Variants in PIK3C2A observed in about 807,000 individuals in gnomAD.
PIK3C2A encodes phosphatidylinositol-4-phosphate 3-kinase catalytic subunit type 2 alpha, also known as phosphatidylinositol 4-phosphate 3-kinase C2 domain-containing subunit alpha.
A neutral mutation model predicts 204.5 loss-of-function variants in PIK3C2A; 97 were observed. The ratio of observed to expected loss-of-function variants is 0.47; its 90% CI spans 0.40 to 0.56. The LOEUF (loss-of-function observed/expected upper bound fraction) is 0.56. Ranked by LOEUF, PIK3C2A falls within the 20% of genes least tolerant of loss-of-function variation. The pLI is 0.00. For synonymous variants in PIK3C2A, 653 were observed against 664.4 expected (o/e 0.98, Z 0.26); for missense variants, 1,735 against 1,969.2 (o/e 0.88, Z 2.25).
At chr11:17,206,889 T>A (rs947879011) in intron 1 of PIK3C2A, among the ~76,000 whole-genome samples, 1 of 152,248 alleles carries the variant, frequency 6.6e-6, no homozygotes, top group Non-Finnish European at 1.5e-5. Context: ...CATTCTTTAA[T>A]AACTAATCTT....
At chr11:17,118,503 T>C (rs1565253677) in intron 18 of PIK3C2A, 142 bp downstream of exon 18, 1 of 520,908 alleles carries the variant, frequency 1.9e-6, no homozygotes, top group African/African-American at 2.0e-5. Context: ...AGGGTAAATT[T>C]AGCTCCTTTA....
intron 16 of PIK3C2A, among the ~76,000 whole-genome samples, 161 bp from the exon 17 acceptor site, chr11:17,119,474 T>C (rs1471745713): frequency 2.6e-5 from 4 of 152,202 alleles, no homozygotes; most frequent in African/African-American, 7.2e-5. Flanking sequence ...GACAATCTTA[T>C]TGTGCTATAC....
rs1848201350 is a variant in PIK3C2A, at chr11:17,088,140, A to T, written c.*1598T>A. On this transcript the variant is annotated 3_prime_UTR_variant, in exon 33 of 33. Transcript: ENST00000691414. ...GTACAATTTCTATTACCATTTTTAA[A>T]GTATCTGTATTTCTATTCTAACCAT... 6.6e-6 allele frequency: 1 copy of T among 150,974 alleles called. No homozygotes were observed. The highest frequency in any genetic ancestry group is 1.5e-5 in the Non-Finnish European group (1 of 67,644). The allele number at this position is 150,974 out of a possible 1,614,324, so 9.4% of individuals were successfully genotyped here.
intron 14 of PIK3C2A, 129 bp from the exon 15 acceptor site, chr11:17,122,462 T>C (rs1166196813): frequency 3.0e-6 from 2 of 662,030 alleles, no homozygotes; most frequent in South Asian, 3.8e-5. Context: ...AATTAATGCT[T>C]CTTGTTGCAA....
In PIK3C2A at chr11:17,189,678, T is replaced by C. The variant is rs1032152761; in HGVS notation, c.-66+18170A>G. 4.6e-5 allele frequency among the ~76,000 whole-genome samples: 7 copies of C among 151,708 alleles called. No individual in the cohort carries two copies. The East Asian group carries it at 1.3e-3, about 29-fold the overall frequency. On this transcript the variant is annotated intron_variant, in intron 1 of 32. Transcript: ENST00000691414. Reference sequence around the variant, plus strand: ...CCCCATAAAGAAACCCTGCACTCATTAGCAGTCACATTTCCCCTCCCTAAT... The same window carrying C: ...CCCCATAAAGAAACCCTGCACTCATCAGCAGTCACATTTCCCCTCCCTAAT...
Position 17,096,912 on chromosome 11 carries a change from A to T in PIK3C2A, c.4326+145T>A, listed in dbSNP as rs190356179. On this transcript the variant is annotated intron_variant, in intron 27 of 32. Coordinates refer to ENST00000691414, the MANE Select transcript of PIK3C2A (RefSeq NM_002645.4). ...CAAAAAAGTTAGGGATGCTTCAAGT[A>T]CATTTACTTATTTATGGACCATTCA... The T allele has an allele frequency of 2.6e-4, 152 of 585,416 alleles. No individual in the cohort carries two copies. The East Asian group carries it at 3.8e-3, about 14-fold the overall frequency. 36.3% of individuals were successfully genotyped at this position (585,416 alleles called of 1,614,324 possible). A position where few individuals can be genotyped will look rare whatever the true frequency, so the allele number is the denominator to read the frequency against.
intron 1 of PIK3C2A, among the ~76,000 whole-genome samples, chr11:17,202,736 AAC>A (rs1326205532): frequency 3.3e-5 from 5 of 152,222 alleles, no homozygotes; most frequent in African/African-American, 4.8e-5. Flanking sequence ...TTGGAGGGAA[AAC>A]AGTGTTAGCT....
At chr11:17,104,703 T>A in intron 23 of PIK3C2A, among the ~76,000 whole-genome samples, 1 of 126,294 alleles carries the variant, frequency 7.9e-6, no homozygotes, top group African/African-American at 3.1e-5. Flanking sequence ...CCAGCCTGGG[T>A]GACAGAGTGA....
chr11:17,139,133 A>G (rs10832740), intron 8 of PIK3C2A, among the ~76,000 whole-genome samples: 143,275 of 152,026 alleles, frequency 0.94, 68,104 homozygotes, highest in Non-Finnish European at 1. Flanking sequence ...GGCTGGTCTC[A>G]AACTCCTGAC....
chr11:17,194,968 C>T (rs1179156109), intron 1 of PIK3C2A, among the ~76,000 whole-genome samples: 2 of 151,612 alleles, frequency 1.3e-5, no homozygotes, highest in Non-Finnish European at 2.9e-5. Context: ...TTAAATTTAA[C>T]TTGTAAAGTT....
intron 1 of PIK3C2A, among the ~76,000 whole-genome samples, chr11:17,198,428 G>T (rs1175771105): frequency 6.6e-6 from 1 of 152,090 alleles, no homozygotes; most frequent in East Asian, 1.9e-4. Context: ...GATTTTTAAA[G>T]TAAGTTACTT....
intron 1 of PIK3C2A, among the ~76,000 whole-genome samples, chr11:17,187,216 G>A (rs190129269): frequency 1.1e-4 from 16 of 152,270 alleles, no homozygotes; most frequent in Admixed American, 1.0e-3. Flanking sequence ...AAAAAATCAT[G>A]AGAGCGATTA....
intron 11 of PIK3C2A, 90 bp downstream of exon 11, chr11:17,134,729 G>A: frequency 1.1e-6 from 1 of 940,268 alleles, no homozygotes; most frequent in East Asian, 2.4e-5. Flanking sequence ...TCCAACTCCT[G>A]GGGTCAAGCA....
At chr11:17,195,598 C>T (rs1025660669) in intron 1 of PIK3C2A, among the ~76,000 whole-genome samples, 1 of 151,782 alleles carries the variant, frequency 6.6e-6, no homozygotes, top group Non-Finnish European at 1.5e-5. Flanking sequence ...GAGTGCACCA[C>T]ATAGCAGTCG....
At chr11:17,157,166 A>G (rs942170334) in intron 2 of PIK3C2A, among the ~76,000 whole-genome samples, 2 of 152,140 alleles carry the variant, frequency 1.3e-5, no homozygotes, top group Admixed American at 1.3e-4. Flanking sequence ...TTCAGGACAT[A>G]TGCTTCTAGT....
chr11:17,163,097 G>A (rs1046004995), intron 2 of PIK3C2A, among the ~76,000 whole-genome samples: 12 of 152,154 alleles, frequency 7.9e-5, no homozygotes, highest in Non-Finnish European at 1.8e-4. Flanking sequence ...CTTGAGGTCA[G>A]GAGCTCGAGA....
Position 17,092,026 on chromosome 11 carries a change from C to T in PIK3C2A, c.4612G>A (p.Glu1538Lys). The T allele has an allele frequency of 6.2e-7, 1 of 1,611,768 alleles. No homozygotes were observed. The highest frequency in any genetic ancestry group is 8.5e-7 in the Non-Finnish European group (1 of 1,177,970). ...GACCTAGCTATCCCTTCAGCTTTCTCATCACGAAGTAAAGGGTGGAAGAAA... is the reference window on the plus strand; with the variant it reads ...GACCTAGCTATCCCTTCAGCTTTCTTATCACGAAGTAAAGGGTGGAAGAAA... ...CTFFHPLLRD[E>K]KAEGIARSAD... Residue 1538 changes from glutamate to lysine, a missense_variant, in exon 30 of 33, where the codon GAG becomes AAG. Physicochemically the swap from Glu to Lys is moderately conservative, Grantham distance 56. Coordinates refer to ENST00000691414, the MANE Select transcript of PIK3C2A (RefSeq NM_002645.4).
At chr11:17,110,812 A>C (rs1437279639) in intron 21 of PIK3C2A, among the ~76,000 whole-genome samples, 1 of 152,164 alleles carries the variant, frequency 6.6e-6, no homozygotes, top group Non-Finnish European at 1.5e-5. Flanking sequence ...CATTCTAGGG[A>C]AAGGTACTTA....
chr11:17,160,843 AAAAC>A (rs928211244), intron 2 of PIK3C2A, among the ~76,000 whole-genome samples: 7 of 152,278 alleles, frequency 4.6e-5, no homozygotes, highest in African/African-American at 1.2e-4. Context: ...AAACCAAAAC[AAAAC>A]AAACAAACAA....
Sources: gnomAD v4.1 joint callset for allele counts (sites outside exome capture counted in the v4.1 genomes callset) on GRCh38, gnomAD v4.1.1 for gene constraint, MANE v1.5 for transcripts, NCBI Gene and HGNC (gene_info 2026-07-23, HGNC 2026-07-21) for gene names.